The following UBE2N variants were observed in gnomAD, a reference collection of about 807,000 sequenced individuals.
UBE2N encodes the protein ubiquitin conjugating enzyme E2 N, also known as ubiquitin-conjugating enzyme E2 N.
For synonymous variants in UBE2N, 70 were observed against 69.2 expected (o/e 1.01, Z -0.06); for missense variants, 60 against 192.1 (o/e 0.31, Z 4.07).
chr12:93,420,653 A>C (rs1180030709), intron 1 of UBE2N, among the ~76,000 whole-genome samples: 1 of 152,214 alleles, frequency 6.6e-6, no homozygotes, highest in Non-Finnish European at 1.5e-5. Flanking sequence ...GGTACCACCC[A>C]GAGCTGATGA....
chr12:93,407,103 C>T lies in UBE2N; in HGVS notation c.*2936G>A, dbSNP rs968859510. On this transcript the variant is annotated 3_prime_UTR_variant, in exon 4 of 4. Coordinates refer to ENST00000318066, the MANE Select transcript of UBE2N (RefSeq NM_003348.4). ...ACTCAAGTGATCCTCCTGCCTTGGC[C>T]TCCTAAAGTGCTGGGATTACAGGCA... 1.3e-5 allele frequency: 2 copies of T among 152,342 alleles called. No individual in the cohort carries two copies. The highest frequency in any genetic ancestry group is 2.9e-5 in the Non-Finnish European group (2 of 68,144). 9.4% of individuals were successfully genotyped at this position (152,342 alleles called of 1,614,324 possible).
At position 93,409,769 on chromosome 12, in the gene UBE2N, G is replaced by A. The variant is rs958341008; in HGVS notation, c.*270C>T. The stretch of plus-strand genomic sequence containing the variant: ...CAGTGCTTTATACTTAAACCAGGAT[G>A]GGGGAAATGAATAAAAGCAGGGAGG... On this transcript the variant is annotated 3_prime_UTR_variant, in exon 4 of 4. Transcript: ENST00000318066. 1 of 420,652 alleles carries A rather than the reference G, an allele frequency of 2.4e-6. No homozygotes were observed. The highest frequency in any genetic ancestry group is 4.4e-6 in the Non-Finnish European group (1 of 229,420). 26.1% of individuals were successfully genotyped at this position (420,652 alleles called of 1,614,324 possible). A position where few individuals can be genotyped will look rare whatever the true frequency, so the allele number is the denominator to read the frequency against.
At chr12:93,434,896 A>C (rs1878886387) in intron 1 of UBE2N, among the ~76,000 whole-genome samples, 1 of 151,740 alleles carries the variant, frequency 6.6e-6, no homozygotes, top group African/African-American at 2.4e-5. Context: ...GTTTGTATTT[A>C]TTTATTTATT....
intron 1 of UBE2N, among the ~76,000 whole-genome samples, chr12:93,437,957 AAAG>A (rs1193698853): frequency 6.6e-6 from 1 of 152,258 alleles, no homozygotes; most frequent in Non-Finnish European, 1.5e-5. Context: ...GGCACACAAA[AAAG>A]AAATAATGTA....
At chr12:93,441,532 G>A (rs996946304) in intron 1 of UBE2N, among the ~76,000 whole-genome samples, 9 of 152,156 alleles carry the variant, frequency 5.9e-5, no homozygotes, top group African/African-American at 2.2e-4. Flanking sequence ...CAGAAGCTAT[G>A]GAGGCCCGCG....
In UBE2N at chr12:93,407,673, A is replaced by G. The variant is rs939888679; in HGVS notation, c.*2366T>C. On this transcript the variant is annotated 3_prime_UTR_variant, in exon 4 of 4. Coordinates refer to ENST00000318066, the MANE Select transcript of UBE2N (RefSeq NM_003348.4). ...TACCCGAATTCTGGATTTTCATGCA[A>G]ATCTCCCAATTTTTAAAAATGTTGG... 19 of 152,176 alleles carry G rather than the reference A, an allele frequency of 1.2e-4. No individual in the cohort carries two copies. The highest frequency in any genetic ancestry group is 4.6e-4 in the African/African-American group (19 of 41,434). The allele number at this position is 152,176 out of a possible 1,614,324, so 9.4% of individuals were successfully genotyped here. A position where few individuals can be genotyped will look rare whatever the true frequency, so the allele number is the denominator to read the frequency against.
At chr12:93,441,688 C>T (rs762440781) in intron 1 of UBE2N, among the ~76,000 whole-genome samples, 167 bp downstream of exon 1, 10 of 152,042 alleles carry the variant, frequency 6.6e-5, no homozygotes, top group Non-Finnish European at 1.3e-4. Flanking sequence ...CCCCGGCGCC[C>T]CCTCCTCAGC....
chr12:93,440,531 A>T (rs1365532129), intron 1 of UBE2N, among the ~76,000 whole-genome samples: 1 of 152,210 alleles, frequency 6.6e-6, no homozygotes, highest in South Asian at 2.1e-4. Context: ...TTTAAATGCA[A>T]TTGGATGAAG....
intron 1 of UBE2N, among the ~76,000 whole-genome samples, chr12:93,436,021 A>G (rs1878924295): frequency 6.6e-6 from 1 of 152,194 alleles, no homozygotes; most frequent in African/African-American, 2.4e-5. Flanking sequence ...AGGTTGACTC[A>G]CTAGGTTTTA....
intron 1 of UBE2N, among the ~76,000 whole-genome samples, chr12:93,414,633 G>A (rs191306970): frequency 2.0e-5 from 3 of 152,068 alleles, no homozygotes; most frequent in East Asian, 1.9e-4. Context: ...CCAGGCATCC[G>A]CTCACCTCAA....
At chr12:93,436,162 C>A (rs1187682492) in intron 1 of UBE2N, among the ~76,000 whole-genome samples, 1 of 152,106 alleles carries the variant, frequency 6.6e-6, no homozygotes, top group Non-Finnish European at 1.5e-5. Flanking sequence ...AGTGCAGTGG[C>A]GCGATCTAGG....
chr12:93,410,372 C>T (rs533950040), intron 3 of UBE2N: 2 of 489,534 alleles, frequency 4.1e-6, no homozygotes, highest in African/African-American at 2.0e-5. Flanking sequence ...GTAGCAGAAG[C>T]TTCTTGACTC....
At chr12:93,420,592 G>A (rs1032948196) in intron 1 of UBE2N, among the ~76,000 whole-genome samples, 5 of 152,066 alleles carry the variant, frequency 3.3e-5, no homozygotes, top group Middle Eastern at 3.2e-3. Context: ...AGTAAATGGT[G>A]GTAAATTCTA....
At chr12:93,436,860 A>C (rs1189426871) in intron 1 of UBE2N, among the ~76,000 whole-genome samples, 2 of 152,346 alleles carry the variant, frequency 1.3e-5, no homozygotes, top group Non-Finnish European at 2.9e-5. Context: ...AAGACTCAAT[A>C]TCACTCACAC....
At chr12:93,410,466 T>A (rs1878000827) in intron 3 of UBE2N, 2 of 558,244 alleles carry the variant, frequency 3.6e-6, no homozygotes, top group South Asian at 4.8e-5. Context: ...TCTTTACATA[T>A]AACTAGATAA....
At chr12:93,418,701 T>A (rs181103598) in intron 1 of UBE2N, among the ~76,000 whole-genome samples, 63 of 152,150 alleles carry the variant, frequency 4.1e-4, no homozygotes, top group Non-Finnish European at 6.5e-4. Context: ...ACAAGCCACG[T>A]AAGTATTTAA....
At chr12:93,412,678 G>GT (rs1878063848) in intron 1 of UBE2N, among the ~76,000 whole-genome samples, 2 of 152,276 alleles carry the variant, frequency 1.3e-5, no homozygotes, top group African/African-American at 4.8e-5. Context: ...CTCACATTCT[G>GT]TATTTGTCCT....
chr12:93,435,580 T>C (rs1435437520), intron 1 of UBE2N, among the ~76,000 whole-genome samples: 1 of 152,006 alleles, frequency 6.6e-6, no homozygotes, highest in African/African-American at 2.4e-5. Context: ...AAGCCGAGAT[T>C]GTGCCATTGC....
At chr12:93,441,225 GC>G (rs1879095899) in intron 1 of UBE2N, 1 of 152,504 alleles carries the variant, frequency 6.6e-6, no homozygotes, top group Non-Finnish European at 1.5e-5. Context: ...GCAGCGGGGC[GC>G]GGGGCCCCCA....
Sources: allele counts gnomAD v4.1 joint callset (sites outside exome capture counted in the v4.1 genomes callset), GRCh38; gene constraint gnomAD v4.1.1; transcripts MANE v1.5; gene names NCBI Gene and HGNC (gene_info 2026-07-23, HGNC 2026-07-21).